LNP1: variants seen among roughly 807,000 people sequenced by gnomAD.
The protein encoded by LNP1 is leukemia NUP98 fusion partner 1.
A neutral mutation model predicts 14.5 loss-of-function variants in LNP1; 12 were observed. The observed-to-expected ratio is 0.83, with a 90% CI of 0.53 to 1.34. The LOEUF (loss-of-function observed/expected upper bound fraction) is 1.34, where lower values mean the gene tolerates loss of function less well. LNP1 is among the 40% of genes most tolerant of loss of function. LNP1 has a pLI of 0.00. For missense variants in LNP1, 198 were observed against 210.9 expected, an observed-to-expected ratio of 0.94 and a Z score of 0.38; for synonymous variants, 75 against 71.4, an observed-to-expected ratio of 1.05 and a Z score of -0.26.
chr3:100,456,106 G>A lies in LNP1; in HGVS notation c.*180G>A, dbSNP rs1432491975. 7.1e-6 allele frequency: 4 copies of A among 560,352 alleles called. No individual in the cohort carries two copies. Among genetic ancestry groups the A allele is most frequent in the Non-Finnish European group, 1.3e-5 (4 of 319,634 alleles). 34.7% of individuals were successfully genotyped at this position (560,352 alleles called of 1,614,324 possible). A position where few individuals can be genotyped will look rare whatever the true frequency, so the allele number is the denominator to read the frequency against. ...GTATGTAGCTGCTCCAAGATGACTTGCATCATACCCCAATTACTGCTGGCA... is the reference window on the plus strand; with the variant it reads ...GTATGTAGCTGCTCCAAGATGACTTACATCATACCCCAATTACTGCTGGCA... On this transcript the variant is annotated 3_prime_UTR_variant, in exon 4 of 4. Transcript: ENST00000383693.
intron 1 of LNP1, among the ~76,000 whole-genome samples, chr3:100,406,886 A>G (rs1706973070): frequency 6.6e-6 from 1 of 152,186 alleles, no homozygotes; most frequent in Non-Finnish European, 1.5e-5. Context: ...AAACATAGAT[A>G]TTACAGGTTA....
Position 100,402,266 on chromosome 3 carries a change from C to A in LNP1, c.-207C>A, listed in dbSNP as rs982264728. 1 of 152,174 alleles carries A rather than the reference C, an allele frequency of 6.6e-6. No individual in the cohort carries two copies. The allele number at this position is 152,174 out of a possible 1,614,324, so 9.4% of individuals were successfully genotyped here. A position where few individuals can be genotyped will look rare whatever the true frequency, so the allele number is the denominator to read the frequency against. On this transcript the variant is annotated 5_prime_UTR_variant, in exon 1 of 4. Transcript: ENST00000383693. ...TTTCTGGTATACTGGTTTGCAGAAGCCTTACATTAAGATTTCATAAATGAT... is the reference window on the plus strand; with the variant it reads ...TTTCTGGTATACTGGTTTGCAGAAGACTTACATTAAGATTTCATAAATGAT...
intron 1 of LNP1, among the ~76,000 whole-genome samples, chr3:100,409,957 A>T (rs1292876839): frequency 1.5e-5 from 1 of 66,528 alleles, no homozygotes. Flanking sequence ...CATAGCTTAC[A>T]TCTATCTATC....
intron 2 of LNP1, among the ~76,000 whole-genome samples, chr3:100,446,698 C>G (rs1158016801): frequency 1.3e-4 from 19 of 151,352 alleles, no homozygotes; most frequent in Admixed American, 7.9e-4. Context: ...TGTAATCTAC[C>G]CATCTGACAA....
At chr3:100,416,887 C>T (rs55817046) in intron 1 of LNP1, among the ~76,000 whole-genome samples, 15,520 of 151,844 alleles carry the variant, frequency 0.1, 1,107 homozygotes, top group Middle Eastern at 0.17. Flanking sequence ...TCCCCTTTCC[C>T]CTAACCCAGC....
intron 2 of LNP1, among the ~76,000 whole-genome samples, chr3:100,443,239 A>C (rs1252214428): frequency 2.6e-5 from 4 of 152,222 alleles, no homozygotes; most frequent in African/African-American, 9.6e-5. Context: ...AAAATACAGA[A>C]TTCGGTCCAA....
intron 1 of LNP1, among the ~76,000 whole-genome samples, chr3:100,416,378 C>T (rs371167041): frequency 1.3e-5 from 2 of 152,078 alleles, no homozygotes; most frequent in African/African-American, 4.8e-5. Flanking sequence ...CTGCAACAGA[C>T]CAGGAATCAG....
At chr3:100,447,298 A>G (rs937348787) in intron 2 of LNP1, among the ~76,000 whole-genome samples, 1 of 152,214 alleles carries the variant, frequency 6.6e-6, no homozygotes, top group African/African-American at 2.4e-5. Flanking sequence ...TGTCCTTTGC[A>G]GGGACATGGA....
At chr3:100,436,027 G>A (rs1707290847) in intron 2 of LNP1, among the ~76,000 whole-genome samples, 1 of 152,172 alleles carries the variant, frequency 6.6e-6, no homozygotes, top group African/African-American at 2.4e-5. Flanking sequence ...GATGGAACAA[G>A]GGAATCAGCT....
At chr3:100,414,859 A>G (rs978056650) in intron 1 of LNP1, among the ~76,000 whole-genome samples, 13 of 152,218 alleles carry the variant, frequency 8.5e-5, no homozygotes, top group African/African-American at 3.1e-4. Context: ...TTAATAGAGG[A>G]CTCAGCTAAC....
intron 1 of LNP1, among the ~76,000 whole-genome samples, chr3:100,417,924 G>A (rs1707102363): frequency 6.6e-6 from 1 of 151,550 alleles, no homozygotes; most frequent in Non-Finnish European, 1.5e-5. Context: ...ATTATTGGTT[G>A]CATTTTTTAC....
chr3:100,415,951 G>A (rs958442089), intron 1 of LNP1, among the ~76,000 whole-genome samples: 3 of 152,162 alleles, frequency 2.0e-5, no homozygotes, highest in African/African-American at 7.2e-5. Flanking sequence ...ACCCAAATGT[G>A]CAACCCCAGA....
At chr3:100,434,548 A>G (rs139803271) in intron 2 of LNP1, among the ~76,000 whole-genome samples, 89 of 141,782 alleles carry the variant, frequency 6.3e-4, no homozygotes, top group African/African-American at 2.3e-3. Flanking sequence ...TTTTTTTTTG[A>G]GTTGAAGTCT....
chr3:100,409,147 T>C (rs539726564), intron 1 of LNP1, among the ~76,000 whole-genome samples: 2 of 152,094 alleles, frequency 1.3e-5, no homozygotes. Context: ...AGAACAAAAC[T>C]TGACCCACTG....
intron 2 of LNP1, among the ~76,000 whole-genome samples, chr3:100,446,763 C>A (rs1246356553): frequency 6.6e-6 from 1 of 151,826 alleles, no homozygotes; most frequent in Non-Finnish European, 1.5e-5. Context: ...AGGAAAAATC[C>A]AACAACCCCA....
At chr3:100,411,447 A>G (rs1012152630) in intron 1 of LNP1, among the ~76,000 whole-genome samples, 1 of 152,242 alleles carries the variant, frequency 6.6e-6, no homozygotes, top group African/African-American at 2.4e-5. Flanking sequence ...TGATGAATGT[A>G]TTTTGTATGT....
intron 3 of LNP1, among the ~76,000 whole-genome samples, chr3:100,455,019 A>C (rs1707497054): frequency 6.6e-6 from 1 of 152,216 alleles, no homozygotes; most frequent in Non-Finnish European, 1.5e-5. Context: ...TGTTTTGATA[A>C]TTCCTTTGAA....
At chr3:100,404,384 G>A (rs1465623667) in intron 1 of LNP1, among the ~76,000 whole-genome samples, 7 of 152,148 alleles carry the variant, frequency 4.6e-5, no homozygotes, top group African/African-American at 1.7e-4. Flanking sequence ...TTATATTTAT[G>A]ATGTCCAATA....
intron 2 of LNP1, among the ~76,000 whole-genome samples, chr3:100,434,068 A>G (rs1348748998): frequency 6.6e-6 from 1 of 152,196 alleles, no homozygotes; most frequent in African/African-American, 2.4e-5. Context: ...TCTTTAGCTT[A>G]ATTAGATCCT....
Sources: gnomAD v4.1 joint callset for allele counts (sites outside exome capture counted in the v4.1 genomes callset) on GRCh38, gnomAD v4.1.1 for gene constraint, MANE v1.5 for transcripts, NCBI Gene and HGNC (gene_info 2026-07-23, HGNC 2026-07-21) for gene names.